PTCD3: variants seen among roughly 807,000 people sequenced by gnomAD.
PTCD3 encodes the protein small ribosomal subunit protein mS39.
PTCD3 carries 89 observed loss-of-function variants against 101.9 expected under a neutral mutation model. The ratio of observed to expected loss-of-function variants is 0.87; its 90% CI spans 0.74 to 1.04. The LOEUF is 1.04. PTCD3 is among the 50% of genes least tolerant of loss of function. The probability of loss-of-function intolerance (pLI) is 0.00; values close to 1 mark genes in which losing one functional copy is unlikely to be tolerated. For synonymous variants in PTCD3, 296 were observed against 278.5 expected, an observed-to-expected ratio of 1.06 and a Z score of -0.63; for missense variants, 870 against 828.2, an observed-to-expected ratio of 1.05 and a Z score of -0.62.
At chr2:86,121,311 G>A (rs747983383) in intron 7 of PTCD3, among the ~76,000 whole-genome samples, 168 bp from the exon 8 acceptor site, 2 of 152,122 alleles carry the variant, frequency 1.3e-5, no homozygotes, top group African/African-American at 2.4e-5. Context: ...CCCTGTCTAC[G>A]TCACTTCAGG....
At chr2:86,110,179 AAT>A (rs1410894307) in intron 3 of PTCD3, among the ~76,000 whole-genome samples, 1 of 152,256 alleles carries the variant, frequency 6.6e-6, no homozygotes, top group Non-Finnish European at 1.5e-5. Context: ...ATAAGACTTA[AAT>A]AGGGCAATAA....
intron 14 of PTCD3, among the ~76,000 whole-genome samples, chr2:86,128,564 T>C (rs1198040053): frequency 1.3e-5 from 2 of 152,220 alleles, no homozygotes; most frequent in African/African-American, 4.8e-5. Context: ...GTGGCTACCA[T>C]GTGTCGTGAT....
rs1457201103 is a variant in PTCD3, at chr2:86,138,811, G to A, written c.*1252G>A. 6.6e-6 allele frequency: 1 copy of A among 152,150 alleles called. No homozygotes were observed. The highest frequency in any genetic ancestry group is 1.5e-5 in the Non-Finnish European group (1 of 68,054). The allele number at this position is 152,150 out of a possible 1,614,324, so 9.4% of individuals were successfully genotyped here. A position where few individuals can be genotyped will look rare whatever the true frequency, so the allele number is the denominator to read the frequency against. ...GTTTACAGCTTCCAAGGAGAGCCTT[G>A]GCCACCTGAAATGTTAACTCGGTCC... On this transcript the variant is annotated 3_prime_UTR_variant, in exon 24 of 24. Transcript: ENST00000254630.
intron 19 of PTCD3, among the ~76,000 whole-genome samples, chr2:86,133,753 ACCCGGAAGCCTGTGTAATT>A (rs1674532610): frequency 6.6e-6 from 1 of 152,202 alleles, no homozygotes; most frequent in Non-Finnish European, 1.5e-5. Flanking sequence ...AAGGTCTTTG[ACCCGGAAGCCTGTGTAATT>A]CCTCTGTGCC....
Position 86,136,515 on chromosome 2 carries a change from G to C in PTCD3, c.1779-6G>C. ...GTATTCATAATCTTTTTCCTTTCTT[G>C]AGCAGGAAAATGTTGGGGCTTTTCA... On this transcript the variant is annotated splice_polypyrimidine_tract_variant and splice_region_variant and intron_variant, in intron 21 of 23. Transcript: ENST00000254630. 6.2e-7 allele frequency: 1 copy of C among 1,607,282 alleles called. No individual in the cohort carries two copies. The highest frequency in any genetic ancestry group is 8.5e-7 in the Non-Finnish European group (1 of 1,173,874).
At chr2:86,115,066 G>A (rs1012241146) in intron 4 of PTCD3, among the ~76,000 whole-genome samples, 2 of 152,148 alleles carry the variant, frequency 1.3e-5, no homozygotes, top group African/African-American at 4.8e-5. Flanking sequence ...AGGGAAGCAG[G>A]TGTTTGGCAC....
In PTCD3 at chr2:86,117,132, G is replaced by A. The variant is rs1315420891; in HGVS notation, c.387G>A (p.Gln129=). The change falls in exon 6 of 24, where the codon CAG becomes CAA. Residue 129 remains glutamine, a synonymous_variant. Coordinates refer to ENST00000254630, the MANE Select transcript of PTCD3 (RefSeq NM_017952.6). ...TTAATTCATACCCCAAATATTTTCA[G>A]AAGGACATAGCTGAACCTCATATAC... The part of the protein sequence containing the change: ...FIINSYPKYF[Q]KDIAEPHIPC... 1.4e-6 allele frequency: 2 copies of A among 1,380,134 alleles called. No individual in the cohort carries two copies. The highest frequency in any genetic ancestry group is 2.3e-5 in the East Asian group (1 of 43,728). The allele number at this position is 1,380,134 out of a possible 1,614,324, so 85.5% of individuals were successfully genotyped here. A position where few individuals can be genotyped will look rare whatever the true frequency, so the allele number is the denominator to read the frequency against.
rs1674038657 is a variant in PTCD3, at chr2:86,109,655, GA to G, written c.194+1122del. 2.0e-5 allele frequency among the ~76,000 whole-genome samples: 3 copies of G among 152,190 alleles called. No homozygotes were observed. The South Asian group carries it at 6.2e-4, about 32-fold the overall frequency. On this transcript the variant is annotated intron_variant, in intron 3 of 23. Coordinates refer to ENST00000254630, the MANE Select transcript of PTCD3 (RefSeq NM_017952.6). ...GGGAAATTTGGCAGAATCAGAATTG[GA>G]AATGTGCGTACCTTACTGGTTAGCC... is the stretch of plus-strand genomic sequence containing the variant.
In PTCD3 at chr2:86,137,701, G is replaced by A. The variant is rs2104464677; in HGVS notation, c.*142G>A. On this transcript the variant is annotated 3_prime_UTR_variant, in exon 24 of 24. Transcript: ENST00000254630. ...AATTTGTTACTGTGAGGTACAGTCAGTACACAGCTGACTTATGTAGATTTA... is the reference window on the plus strand; with the variant it reads ...AATTTGTTACTGTGAGGTACAGTCAATACACAGCTGACTTATGTAGATTTA... 1.6e-6 allele frequency: 2 copies of A among 1,216,324 alleles called. No individual in the cohort carries two copies. The highest frequency in any genetic ancestry group is 2.8e-5 in the South Asian group (2 of 71,870). 75.3% of individuals were successfully genotyped at this position (1,216,324 alleles called of 1,614,324 possible). A position where few individuals can be genotyped will look rare whatever the true frequency, so the allele number is the denominator to read the frequency against.
rs72936330 is a variant in PTCD3, at chr2:86,141,145, A to C, written c.*3586A>C. The stretch of plus-strand genomic sequence containing the variant: ...CCCTTTCACAAGCTCTTGCCTCACA[A>C]CCCCTGCAGAAGTCCTTCAACAAAA... On this transcript the variant is annotated 3_prime_UTR_variant, in exon 24 of 24. Coordinates refer to ENST00000254630, the MANE Select transcript of PTCD3 (RefSeq NM_017952.6). The C allele has an allele frequency of 0.018, 2,772 of 152,116 alleles. 88 individuals carry two copies. Among genetic ancestry groups the C allele is most frequent in the African/African-American group, 0.062 (2,588 of 41,460 alleles). The allele number at this position is 152,116 out of a possible 1,614,324, so 9.4% of individuals were successfully genotyped here.
chr2:86,118,781 G>T, intron 6 of PTCD3, 140 bp from the exon 7 acceptor site: 1 of 883,386 alleles, frequency 1.1e-6, no homozygotes. Context: ...AAAATGATCA[G>T]TAGTATCTGG....
At position 86,137,590 on chromosome 2, in the gene PTCD3, C is replaced by T. The variant is rs199557485; in HGVS notation, c.*31C>T. 1.9e-6 allele frequency: 3 copies of T among 1,612,052 alleles called. No homozygotes were observed. The highest frequency in any genetic ancestry group is 2.7e-5 in the African/African-American group (2 of 74,930). Reference sequence around the variant, plus strand: ...GAGATTCAGGAGCAGCAATGGGTCTCACCATAGCTGCTGGAATCACACCTG... The same window carrying T: ...GAGATTCAGGAGCAGCAATGGGTCTTACCATAGCTGCTGGAATCACACCTG... On this transcript the variant is annotated 3_prime_UTR_variant, in exon 24 of 24. Transcript: ENST00000254630.
At position 86,138,123 on chromosome 2, in the gene PTCD3, G is replaced by A. The variant is rs2104464955; in HGVS notation, c.*564G>A. The A allele has an allele frequency of 6.5e-6, 1 of 154,082 alleles. No homozygotes were observed. Among genetic ancestry groups the A allele is most frequent in the East Asian group, 1.9e-4 (1 of 5,252 alleles). 9.5% of individuals were successfully genotyped at this position (154,082 alleles called of 1,614,324 possible). A position where few individuals can be genotyped will look rare whatever the true frequency, so the allele number is the denominator to read the frequency against. On this transcript the variant is annotated 3_prime_UTR_variant, in exon 24 of 24. Transcript: ENST00000254630. ...ACTGGTAAAATGACTGTAGATAAAT[G>A]TTGTAATTAGTGTACACGTTTGTAT...
At chr2:86,127,858 T>A in intron 13 of PTCD3, 83 bp from the exon 14 acceptor site, 1 of 1,057,472 alleles carries the variant, frequency 9.5e-7, no homozygotes, top group South Asian at 1.3e-5. Context: ...TGTTTTTAAT[T>A]CAGTGTGTCT....
Position 86,118,985 on chromosome 2 carries a change from G to C in PTCD3, c.479G>C (p.Arg160Pro). Residue 160 changes from arginine to proline, a missense_variant, in exon 7 of 24, where the codon CGA becomes CCA. Arg to Pro is a moderately radical substitution (Grantham distance 103). Transcript: ENST00000254630. ...ATAAGTGAAGCCGCCCTGAAGGAAC[G>C]AATTGAGCTCAGAAAAGTCAAAGCC... ...KDISEAALKE[R>P]IELRKVKASV... is the part of the protein sequence containing the mutation. 1.9e-6 allele frequency: 3 copies of C among 1,614,056 alleles called. No homozygotes were observed. Among genetic ancestry groups the C allele is most frequent in the Non-Finnish European group, 2.5e-6 (3 of 1,179,972 alleles).
chr2:86,112,042 CTTTTTTTTTTT>C (rs60504138), intron 4 of PTCD3: 1 of 127,352 alleles, frequency 7.9e-6, no homozygotes, highest in Non-Finnish European at 1.7e-5. Flanking sequence ...CTGCGCCAAA[CTTTTTTTTTTT>C]TTTTTTTTTA....
rs867910982 is a variant in PTCD3 at position 86,106,290 on chromosome 2, AG to A, written c.45del (p.Arg15SerfsTer6). 2.5e-6 allele frequency: 4 copies of A among 1,613,302 alleles called. No individual in the cohort carries two copies. Among genetic ancestry groups the A allele is most frequent in the Admixed American group, 1.7e-5 (1 of 60,012 alleles). On this transcript the variant is annotated frameshift_variant, in exon 1 of 24. Coordinates refer to ENST00000254630, the MANE Select transcript of PTCD3 (RefSeq NM_017952.6). LOFTEE classifies it high-confidence loss of function. The part of the protein sequence containing the change: ...SAVRWLGLRS[R>X]LGQPLTGRRA... Reference sequence around the variant, plus strand: ...TGTTCGCTGGCTGGGCCTCCGCAGCAGGCTTGGCCAGCCGCTGACGGGTCGG... The same window carrying A: ...TGTTCGCTGGCTGGGCCTCCGCAGCAGCTTGGCCAGCCGCTGACGGGTCGG...
chr2:86,122,846 G>C (rs185242387), intron 8 of PTCD3, among the ~76,000 whole-genome samples: 2 of 152,294 alleles, frequency 1.3e-5, no homozygotes, highest in East Asian at 3.9e-4. Flanking sequence ...TCCAGCCCCA[G>C]CTCTTGAGGC....
intron 8 of PTCD3, among the ~76,000 whole-genome samples, chr2:86,123,120 G>C (rs1674322226): frequency 6.6e-6 from 1 of 151,904 alleles, no homozygotes; most frequent in Non-Finnish European, 1.5e-5. Context: ...AAATTAGCTG[G>C]GCGTGGTGGC....
Sources: allele counts gnomAD v4.1 joint callset (sites outside exome capture counted in the v4.1 genomes callset), GRCh38; gene constraint gnomAD v4.1.1; transcripts MANE v1.5; gene names NCBI Gene and HGNC (gene_info 2026-07-23, HGNC 2026-07-21).